Variants in CYTH3 observed in about 807,000 individuals in gnomAD.
CYTH3 encodes the protein cytohesin-3.
In CYTH3, 23 loss-of-function variants were observed where a neutral mutation model predicts 55.1. The observed-to-expected ratio is 0.42, with a 90% CI of 0.30 to 0.59. CYTH3 has a LOEUF of 0.59. Ranked by LOEUF, CYTH3 falls within the 20% of genes least tolerant of loss-of-function variation. The pLI is 0.20. For synonymous variants in CYTH3, 249 were observed against 194.9 expected (o/e 1.28, Z -2.31); for missense variants, 413 against 524.8 (o/e 0.79, Z 2.08).
intron 1 of CYTH3, among the ~76,000 whole-genome samples, chr7:6,191,761 T>C (rs1783809268): frequency 1.3e-5 from 2 of 152,086 alleles, no homozygotes; most frequent in South Asian, 2.1e-4. Flanking sequence ...AAGGAAAATA[T>C]TAATACATTT....
chr7:6,172,656 C>T (rs1434736424), intron 6 of CYTH3: 1 of 993,328 alleles, frequency 1.0e-6, no homozygotes, highest in Non-Finnish European at 1.2e-6. Flanking sequence ...CTCCGGCTCT[C>T]GCCAGAGACT....
chr7:6,189,124 C>T (rs2128543718), intron 2 of CYTH3, among the ~76,000 whole-genome samples: 1 of 152,252 alleles, frequency 6.6e-6, no homozygotes, highest in Non-Finnish European at 1.5e-5. Flanking sequence ...CCCAAGGAAG[C>T]CCCAAACGGA....
Position 6,182,770 on chromosome 7 carries a change from A to G in CYTH3, c.249+4280T>C, listed in dbSNP as rs115603396. The stretch of plus-strand genomic sequence containing the variant: ...AGTGATCCTCCCACCTAGACCTTCT[A>G]AGACGTCAGGATTATAGGCATGAGC... On this transcript the variant is annotated intron_variant, in intron 4 of 12. Coordinates refer to ENST00000350796, the MANE Select transcript of CYTH3 (RefSeq NM_004227.4). Among the ~76,000 whole-genome samples, 950 of 152,174 alleles carry G rather than the reference A, an allele frequency of 6.2e-3. 8 individuals carry two copies. Among genetic ancestry groups the G allele is most frequent in the African/African-American group, 0.022 (900 of 41,506 alleles).
intron 1 of CYTH3, among the ~76,000 whole-genome samples, chr7:6,191,617 A>G (rs1205632490): frequency 6.3e-5 from 8 of 126,170 alleles, no homozygotes; most frequent in African/African-American, 2.1e-4. Flanking sequence ...TTTTTTTGAG[A>G]CAGAATCTGA....
intron 1 of CYTH3, among the ~76,000 whole-genome samples, chr7:6,259,807 ATATATAAT>A (rs1257805063): frequency 7.6e-5 from 2 of 26,182 alleles, no homozygotes; most frequent in Non-Finnish European, 1.0e-4. Context: ...ATATATATAT[ATATATAAT>A]ATATATATAT....
intron 1 of CYTH3, among the ~76,000 whole-genome samples, chr7:6,190,964 C>A (rs1783788576): frequency 6.6e-6 from 1 of 151,834 alleles, no homozygotes; most frequent in Middle Eastern, 3.2e-3. Context: ...GTAATCTCAG[C>A]TACTCGGGAG....
chr7:6,207,913 G>A (rs920098865), intron 1 of CYTH3, among the ~76,000 whole-genome samples: 2 of 151,502 alleles, frequency 1.3e-5, no homozygotes, highest in African/African-American at 4.9e-5. Context: ...TCATGCCACT[G>A]CACTGCAGCC....
intron 5 of CYTH3, among the ~76,000 whole-genome samples, chr7:6,176,973 C>A (rs1783368124): frequency 6.6e-6 from 1 of 152,228 alleles, no homozygotes; most frequent in African/African-American, 2.4e-5. Flanking sequence ...TTGAGAAGAT[C>A]ATGTGGGTTT....
rs1227689793 is a variant in CYTH3, at chr7:6,259,748, ATATATATATTATATATATATATAT to A, written c.34+12702_34+12725del. On this transcript the variant is annotated intron_variant, in intron 1 of 12. Coordinates refer to ENST00000350796, the MANE Select transcript of CYTH3 (RefSeq NM_004227.4). ...TATTTTACATACATATATATAATAT[ATATATATATTATATATATATATAT>A]TATATATATATAATATATATATATA... Among the ~76,000 whole-genome samples the A allele has an allele frequency of 2.8e-3, 49 of 17,810 alleles. 1 individual carries two copies. The highest frequency in any genetic ancestry group is 0.01 in the African/African-American group (37 of 3,654). 11.7% of individuals were successfully genotyped at this position (17,810 alleles called of 152,430 possible).
At chr7:6,234,358 A>G (rs2128554139) in intron 1 of CYTH3, among the ~76,000 whole-genome samples, 1 of 152,348 alleles carries the variant, frequency 6.6e-6, no homozygotes, top group South Asian at 2.1e-4. Flanking sequence ...TGCCTTCCCA[A>G]GAATTGAAAA....
chr7:6,264,413 A>G (rs970845928), intron 1 of CYTH3, among the ~76,000 whole-genome samples: 8 of 152,172 alleles, frequency 5.3e-5, no homozygotes, highest in Non-Finnish European at 1.0e-4. Flanking sequence ...GGAGTTCGAG[A>G]GCAGCCTAGC....
intron 6 of CYTH3, among the ~76,000 whole-genome samples, 170 bp downstream of exon 6, chr7:6,173,483 G>A (rs1783255048): frequency 6.6e-6 from 1 of 152,136 alleles, no homozygotes; most frequent in Admixed American, 6.5e-5. Flanking sequence ...TCCTGTCTAG[G>A]GCTGCTCAGT....
At chr7:6,197,399 G>T (rs1329374782) in intron 1 of CYTH3, among the ~76,000 whole-genome samples, 1 of 152,174 alleles carries the variant, frequency 6.6e-6, no homozygotes, top group Non-Finnish European at 1.5e-5. Flanking sequence ...AAAAAGAATT[G>T]AGGCTGAGCA....
chr7:6,260,593 T>G (rs1254947584), intron 1 of CYTH3, among the ~76,000 whole-genome samples: 2 of 152,310 alleles, frequency 1.3e-5, no homozygotes, highest in East Asian at 3.9e-4. Flanking sequence ...ATTGTTTTTC[T>G]TTAACATCAC....
chr7:6,179,575 A>T (rs73335485), intron 4 of CYTH3, among the ~76,000 whole-genome samples: 202 of 151,030 alleles, frequency 1.3e-3, no homozygotes, highest in African/African-American at 4.5e-3. Context: ...GCACCATCTA[A>T]ATTACAAGAC....
intron 1 of CYTH3, among the ~76,000 whole-genome samples, chr7:6,208,932 C>T (rs1226033585): frequency 6.6e-6 from 1 of 152,210 alleles, no homozygotes; most frequent in African/African-American, 2.4e-5. Flanking sequence ...GACCCTATCC[C>T]AAACCTACCA....
At chr7:6,177,226 TA>T (rs544703149) in intron 5 of CYTH3, among the ~76,000 whole-genome samples, 1 of 152,222 alleles carries the variant, frequency 6.6e-6, no homozygotes, top group Non-Finnish European at 1.5e-5. Context: ...ATATTTTTTT[TA>T]AAAAAGCTAA....
chr7:6,259,484 C>T (rs1463014602), intron 1 of CYTH3, among the ~76,000 whole-genome samples: 1 of 151,428 alleles, frequency 6.6e-6, no homozygotes, highest in Admixed American at 6.6e-5. Context: ...TTGACTCAGG[C>T]GAGTCTCTTC....
At chr7:6,251,402 G>T (rs1436990658) in intron 1 of CYTH3, among the ~76,000 whole-genome samples, 1 of 150,940 alleles carries the variant, frequency 6.6e-6, no homozygotes, top group East Asian at 1.9e-4. Flanking sequence ...GAAGTTTCTT[G>T]AAGGGCTACA....
Sources: gnomAD v4.1 joint callset for allele counts (sites outside exome capture counted in the v4.1 genomes callset) on GRCh38, gnomAD v4.1.1 for gene constraint, MANE v1.5 for transcripts, NCBI Gene and HGNC (gene_info 2026-07-23, HGNC 2026-07-21) for gene names.